The following CDCA7L variants were observed in gnomAD, a reference collection of about 807,000 sequenced individuals.
CDCA7L encodes cell division cycle-associated 7-like protein.
In CDCA7L, 44 loss-of-function variants were observed where a neutral mutation model predicts 57.4. That is an observed-to-expected ratio of 0.77 (90% CI 0.60 to 0.98). The LOEUF (loss-of-function observed/expected upper bound fraction) is 0.98. Among genes scored for constraint, CDCA7L ranks in the 50% least tolerant of loss-of-function variants. The pLI, the probability that CDCA7L is intolerant of heterozygous loss-of-function variation, is 0.00. For synonymous variants in CDCA7L, 236 were observed against 202.8 expected (o/e 1.16, Z -1.39); for missense variants, 644 against 580.6 (o/e 1.11, Z -1.12).
Position 21,901,331 on chromosome 7 carries a change from C to CTG in CDCA7L, c.*990_*991insCA. 1 of 1,423,256 alleles carries CTG rather than the reference C, an allele frequency of 7.0e-7. No homozygotes were observed. The highest frequency in any genetic ancestry group is 9.3e-7 in the Non-Finnish European group (1 of 1,079,122). The allele number at this position is 1,423,256 out of a possible 1,614,324, so 88.2% of individuals were successfully genotyped here. ...AGCATGTTGCTGCACTGTTCCCATG[C>CTG]ACATTATTCTAACTTTTTAGTAACT... is the stretch of plus-strand genomic sequence containing the variant. On this transcript the variant is annotated 3_prime_UTR_variant, in exon 10 of 10. Transcript: ENST00000406877.
chr7:21,909,090 C>G (rs899838387), intron 3 of CDCA7L, among the ~76,000 whole-genome samples: 1 of 152,172 alleles, frequency 6.6e-6, no homozygotes, highest in Non-Finnish European at 1.5e-5. Flanking sequence ...GAAACCAGGT[C>G]ACAAAGCTCT....
At chr7:21,916,514 TAAAA>T (rs71557529) in intron 2 of CDCA7L, among the ~76,000 whole-genome samples, 1,272 of 105,110 alleles carry the variant, frequency 0.012, 18 homozygotes, top group African/African-American at 0.04. Flanking sequence ...TCCCTTTATT[TAAAA>T]AAAAAAAAAA....
Position 21,945,867 on chromosome 7 carries a change from G to A in CDCA7L, c.-63C>T, listed in dbSNP as rs1446918575. On this transcript the variant is annotated 5_prime_UTR_variant, in exon 1 of 10. Transcript: ENST00000406877. ...GCCACGGGAGCCCGGACTCACCACG[G>A]CCCGGCGCACCAAGAACGCCCCGCG... 2.7e-5 allele frequency: 42 copies of A among 1,536,976 alleles called. No homozygotes were observed. The highest frequency in any genetic ancestry group is 2.2e-4 in the Admixed American group (11 of 49,314).
In CDCA7L at chr7:21,904,270, A is replaced by G; in HGVS notation, c.1048-11T>C. The G allele has an allele frequency of 3.1e-6, 5 of 1,588,582 alleles. No homozygotes were observed. Among genetic ancestry groups the G allele is most frequent in the Non-Finnish European group, 3.4e-6 (4 of 1,168,106 alleles). On this transcript the variant is annotated splice_polypyrimidine_tract_variant and intron_variant, in intron 7 of 9. Transcript: ENST00000406877. ...ATGGCACGTGTTACCCTACAGGGGG[A>G]AGGCAGTGAGCAGGTGAACACAGGG... is the stretch of plus-strand genomic sequence containing the variant.
intron 1 of CDCA7L, among the ~76,000 whole-genome samples, chr7:21,925,599 G>A (rs1290499015): frequency 6.6e-6 from 1 of 152,190 alleles, no homozygotes; most frequent in Non-Finnish European, 1.5e-5. Flanking sequence ...ATAAAATCAA[G>A]GATTATCAGG....
chr7:21,917,323 C>G (rs1246861589), intron 1 of CDCA7L, among the ~76,000 whole-genome samples: 1 of 152,150 alleles, frequency 6.6e-6, no homozygotes, highest in Non-Finnish European at 1.5e-5. Context: ...TTTTTCTCTT[C>G]TTTGTCATAG....
At chr7:21,911,173 G>A (rs1007367640) in intron 3 of CDCA7L, among the ~76,000 whole-genome samples, 16 of 151,654 alleles carry the variant, frequency 1.1e-4, no homozygotes, top group Admixed American at 7.9e-4. Context: ...TGGATTACAG[G>A]TGCCCGCCAC....
intron 7 of CDCA7L, among the ~76,000 whole-genome samples, chr7:21,904,951 C>T (rs533565988): frequency 5.3e-5 from 8 of 152,298 alleles, no homozygotes; most frequent in East Asian, 1.9e-4. Flanking sequence ...GGCATCACCT[C>T]GGCCCCAGCC....
chr7:21,919,135 G>A (rs965452712), intron 1 of CDCA7L, among the ~76,000 whole-genome samples: 1 of 152,006 alleles, frequency 6.6e-6, no homozygotes, highest in African/African-American at 2.4e-5. Context: ...ATTACATTAG[G>A]GACTGCAAAA....
Position 21,903,133 on chromosome 7 carries a change from C to A in CDCA7L, c.1198-19G>T. On this transcript the variant is annotated intron_variant, in intron 8 of 9. Coordinates refer to ENST00000406877, the MANE Select transcript of CDCA7L (RefSeq NM_018719.5). ...CCCAATCCTAACAGAGAGATGACAG[C>A]AGACACTTCGCTCATTATCTACAGG... 6.2e-7 allele frequency: 1 copy of A among 1,607,054 alleles called. No individual in the cohort carries two copies. The highest frequency in any genetic ancestry group is 8.5e-7 in the Non-Finnish European group (1 of 1,177,902).
Position 21,903,109 on chromosome 7 carries a change from C to A in CDCA7L, c.1203G>T (p.Trp401Cys). The change falls in exon 9 of 10, where the codon TGG (tryptophan) becomes TGT (cysteine). Residue 401 changes from tryptophan (W) to cysteine (C), a missense_variant. By Grantham distance (215) the Trp-to-Cys change is radical. Transcript: ENST00000406877. Reference sequence around the variant, plus strand: ...AGATCCCACGACAGGGGGGACACACCCAATCCTAACAGAGAGATGACAGCA... The same window carrying A: ...AGATCCCACGACAGGGGGGACACACACAATCCTAACAGAGAGATGACAGCA... ...DVRSALLDPD[W>C]VCPPCRGICN... The A allele has an allele frequency of 6.2e-7, 1 of 1,613,376 alleles. No individual in the cohort carries two copies. The highest frequency in any genetic ancestry group is 8.5e-7 in the Non-Finnish European group (1 of 1,179,796).
chr7:21,911,514 G>C lies in CDCA7L; in HGVS notation c.303+103C>G. ...AATTGCTTGTAAGATAAATATGTAA[G>C]AAAAATCTTTTCACTTGTGAAGTGA... On this transcript the variant is annotated intron_variant, in intron 3 of 9. Transcript: ENST00000406877. The C allele has an allele frequency of 2.9e-6, 4 of 1,387,434 alleles. No homozygotes were observed. In the South Asian group the frequency reaches 4.5e-5, roughly 16 times the overall value. 85.9% of individuals were successfully genotyped at this position (1,387,434 alleles called of 1,614,324 possible).
At chr7:21,904,074 A>G in intron 8 of CDCA7L, 36 bp downstream of exon 8, 2 of 1,533,618 alleles carry the variant, frequency 1.3e-6, no homozygotes, top group Non-Finnish European at 8.8e-7. Flanking sequence ...TTCCTTCACC[A>G]ATACAATTTA....
At position 21,911,885 on chromosome 7, in the gene CDCA7L, T is replaced by C; in HGVS notation, c.166-131A>G. On this transcript the variant is annotated intron_variant, in intron 2 of 9. Transcript: ENST00000406877. ...TGACGAAAATGGATGGACAACAATG[T>C]GAATGTACTTAATGCACTGAACTGT... 17 of 711,068 alleles carry C rather than the reference T, an allele frequency of 2.4e-5. No homozygotes were observed. In the South Asian group the frequency reaches 3.2e-4, roughly 13 times the overall value. 44.0% of individuals were successfully genotyped at this position (711,068 alleles called of 1,614,324 possible).
At chr7:21,916,657 A>AT in intron 2 of CDCA7L, 97 bp downstream of exon 2, 1 of 1,114,596 alleles carries the variant, frequency 9.0e-7, no homozygotes, top group Non-Finnish European at 1.3e-6. Context: ...CAATGAACTG[A>AT]TATCACCAAT....
At chr7:21,933,760 C>A (rs149195497) in intron 1 of CDCA7L, among the ~76,000 whole-genome samples, 1 of 151,726 alleles carries the variant, frequency 6.6e-6, no homozygotes, top group Admixed American at 6.6e-5. Flanking sequence ...ATGTAACAAA[C>A]CTGCACGTTC....
At chr7:21,937,360 C>A (rs746053440) in intron 1 of CDCA7L, among the ~76,000 whole-genome samples, 1 of 152,114 alleles carries the variant, frequency 6.6e-6, no homozygotes, top group African/African-American at 2.4e-5. Context: ...ACAGACCAGG[C>A]GCAGTGGCTC....
intron 1 of CDCA7L, among the ~76,000 whole-genome samples, chr7:21,922,914 T>A (rs887740321): frequency 6.6e-6 from 1 of 152,162 alleles, no homozygotes; most frequent in Non-Finnish European, 1.5e-5. Flanking sequence ...TAACCCAGTC[T>A]CGATAAAACC....
intron 2 of CDCA7L, among the ~76,000 whole-genome samples, chr7:21,914,988 G>T (rs958112881): frequency 6.6e-6 from 1 of 152,180 alleles, no homozygotes; most frequent in Non-Finnish European, 1.5e-5. Context: ...CCTCAAGGTG[G>T]ATCCAACAGG....
Sources: gnomAD v4.1 joint callset for allele counts (sites outside exome capture counted in the v4.1 genomes callset) on GRCh38, gnomAD v4.1.1 for gene constraint, MANE v1.5 for transcripts, NCBI Gene and HGNC (gene_info 2026-07-23, HGNC 2026-07-21) for gene names.